Variants in PTPRR observed in about 807,000 individuals in gnomAD.
PTPRR encodes receptor-type tyrosine-protein phosphatase R.
A neutral mutation model predicts 77.2 loss-of-function variants in PTPRR; 38 were observed. That is an observed-to-expected ratio of 0.49 (90% confidence interval 0.38 to 0.65). The LOEUF is 0.65. Ranked by LOEUF, PTPRR falls within the 30% of genes least tolerant of loss-of-function variation. PTPRR has a pLI of 0.00. For missense variants in PTPRR, 744 were observed against 799.2 expected (o/e 0.93, Z 0.83); for synonymous variants, 299 against 283.1 (o/e 1.06, Z -0.57).
At chr12:70,920,160 C>T (rs544965214) in intron 1 of PTPRR, among the ~76,000 whole-genome samples, 173 bp downstream of exon 1, 37 of 152,228 alleles carry the variant, frequency 2.4e-4, no homozygotes, top group African/African-American at 8.7e-4. Context: ...AAGTTTTCGG[C>T]CTCAGTTTTC....
intron 1 of PTPRR, among the ~76,000 whole-genome samples, chr12:70,901,699 G>A (rs1357075180): frequency 1.3e-5 from 2 of 151,600 alleles, no homozygotes; most frequent in Non-Finnish European, 1.5e-5. Context: ...CTTAGGCGAG[G>A]ATTTCATGGC....
chr12:70,891,313 G>T (rs551647686), intron 2 of PTPRR, among the ~76,000 whole-genome samples: 3 of 152,218 alleles, frequency 2.0e-5, no homozygotes, highest in African/African-American at 7.2e-5. Flanking sequence ...GTGACTTTAA[G>T]AGTTGATGAC....
Position 70,906,731 on chromosome 12 carries a change from G to C in PTPRR, c.58+13602C>G, listed in dbSNP as rs367821840. ...TATTTGTATGTACACACATTGTTTT[G>C]TTTTGTATCCTGACACCAAATAACC... On this transcript the variant is annotated intron_variant, in intron 1 of 13. Coordinates refer to ENST00000283228, the MANE Select transcript of PTPRR (RefSeq NM_002849.4). Among the ~76,000 whole-genome samples the C allele has an allele frequency of 1.3e-4, 20 of 152,050 alleles. 1 individual carries two copies. The South Asian group carries it at 2.9e-3, about 22-fold the overall frequency.
chr12:70,702,682 T>C, intron 6 of PTPRR, among the ~76,000 whole-genome samples: 1 of 152,234 alleles, frequency 6.6e-6, no homozygotes, highest in East Asian at 1.9e-4. Context: ...TATAATTTGA[T>C]ATGTAATGTC....
intron 2 of PTPRR, among the ~76,000 whole-genome samples, chr12:70,855,260 C>T (rs553481735): frequency 8.5e-5 from 13 of 152,228 alleles, no homozygotes; most frequent in South Asian, 2.1e-4. Context: ...TCCAAGAAGA[C>T]GGAACCATGC....
intron 10 of PTPRR, among the ~76,000 whole-genome samples, chr12:70,676,960 T>C (rs1448977481): frequency 6.6e-6 from 1 of 151,962 alleles, no homozygotes; most frequent in Non-Finnish European, 1.5e-5. Context: ...AAGAATGTTA[T>C]TGGTATTTTG....
At chr12:70,704,454 G>GA (rs200692771) in intron 6 of PTPRR, among the ~76,000 whole-genome samples, 84 of 149,480 alleles carry the variant, frequency 5.6e-4, no homozygotes, top group East Asian at 3.3e-3. Flanking sequence ...CATAAATAAC[G>GA]AAAAAAAAAG....
chr12:70,646,125 A>G (rs988840478), intron 13 of PTPRR, among the ~76,000 whole-genome samples: 5 of 152,202 alleles, frequency 3.3e-5, no homozygotes, highest in African/African-American at 1.2e-4. Context: ...AAAGTTTGGT[A>G]CAGTAAATTT....
At chr12:70,820,581 T>A (rs1891989681) in intron 2 of PTPRR, among the ~76,000 whole-genome samples, 1 of 152,176 alleles carries the variant, frequency 6.6e-6, no homozygotes, top group Non-Finnish European at 1.5e-5. Context: ...GATCTGCACA[T>A]CTTGGCCTCC....
chr12:70,752,239 G>C (rs1196009975), intron 5 of PTPRR, among the ~76,000 whole-genome samples: 2 of 152,162 alleles, frequency 1.3e-5, no homozygotes, highest in African/African-American at 4.8e-5. Flanking sequence ...TATTCTGCAG[G>C]AATCTGTTGA....
chr12:70,749,925 A>T (rs1291469991), intron 5 of PTPRR, among the ~76,000 whole-genome samples: 3 of 152,224 alleles, frequency 2.0e-5, no homozygotes, highest in Non-Finnish European at 4.4e-5. Flanking sequence ...TTAGATGATA[A>T]ATGGTGTTCT....
At chr12:70,875,154 T>A (rs1893029613) in intron 2 of PTPRR, among the ~76,000 whole-genome samples, 1 of 152,102 alleles carries the variant, frequency 6.6e-6, no homozygotes, top group Admixed American at 6.6e-5. Flanking sequence ...TCAGTTAGAA[T>A]CATGAATCAT....
At chr12:70,838,790 CA>C (rs1369495277) in intron 2 of PTPRR, among the ~76,000 whole-genome samples, 1 of 152,062 alleles carries the variant, frequency 6.6e-6, no homozygotes, top group Non-Finnish European at 1.5e-5. Flanking sequence ...TAGCAGAAGC[CA>C]GGGGAAGATA....
intron 2 of PTPRR, among the ~76,000 whole-genome samples, chr12:70,811,135 T>C (rs2137030710): frequency 6.6e-6 from 1 of 152,302 alleles, no homozygotes; most frequent in East Asian, 1.9e-4. Flanking sequence ...GAGTAAATGT[T>C]AGATGTTTGC....
At chr12:70,860,142 A>C (rs1892727371) in intron 2 of PTPRR, among the ~76,000 whole-genome samples, 1 of 152,212 alleles carries the variant, frequency 6.6e-6, no homozygotes, top group Admixed American at 6.6e-5. Context: ...TCAGTACTAC[A>C]GATACATCTC....
chr12:70,719,493 T>C (rs532606714), intron 6 of PTPRR, among the ~76,000 whole-genome samples: 6 of 151,758 alleles, frequency 4.0e-5, no homozygotes, highest in African/African-American at 1.2e-4. Context: ...ATTAGTAATA[T>C]AGTTCCTAAC....
At chr12:70,726,999 C>T (rs1889464700) in intron 6 of PTPRR, among the ~76,000 whole-genome samples, 1 of 151,836 alleles carries the variant, frequency 6.6e-6, no homozygotes, top group South Asian at 2.1e-4. Context: ...GTGGAATAAG[C>T]TTTTGGAATT....
intron 12 of PTPRR, among the ~76,000 whole-genome samples, chr12:70,658,840 C>T (rs12367842): frequency 7.4e-6 from 1 of 134,528 alleles, no homozygotes; most frequent in Non-Finnish European, 1.5e-5. Flanking sequence ...TCACTGACCT[C>T]TGCGGTTTAT....
chr12:70,827,065 A>G (rs1323853997), intron 2 of PTPRR, among the ~76,000 whole-genome samples: 1 of 152,192 alleles, frequency 6.6e-6, no homozygotes, highest in East Asian at 1.9e-4. Flanking sequence ...ACCTTTTCTT[A>G]CAGCCAAACC....
Sources: allele counts gnomAD v4.1 joint callset (sites outside exome capture counted in the v4.1 genomes callset), GRCh38; gene constraint gnomAD v4.1.1; transcripts MANE v1.5; gene names NCBI Gene and HGNC (gene_info 2026-07-23, HGNC 2026-07-21).